LRRC4C: variants seen among roughly 807,000 people sequenced by gnomAD.
LRRC4C encodes leucine-rich repeat-containing protein 4C.
LRRC4C carries 5 observed loss-of-function variants against 33.6 expected under a neutral mutation model. That is an observed-to-expected ratio of 0.15 (90% CI 0.08 to 0.31). The LOEUF is 0.31. Among genes scored for constraint, LRRC4C ranks in the 10% least tolerant of loss-of-function variants. The pLI is 1.00. For missense variants in LRRC4C, 560 were observed against 796.7 expected (o/e 0.70, Z 3.58); for synonymous variants, 329 against 302.0 (o/e 1.09, Z -0.93).
chr11:40,609,146 T>C (rs1960938864), intron 3 of LRRC4C, among the ~76,000 whole-genome samples: 1 of 152,116 alleles, frequency 6.6e-6, no homozygotes, highest in African/African-American at 2.4e-5. Context: ...TAGAATATTC[T>C]TCAGGATACG....
intron 5 of LRRC4C, among the ~76,000 whole-genome samples, chr11:40,234,149 G>C (rs1206731985): frequency 6.6e-6 from 1 of 152,176 alleles, no homozygotes; most frequent in Non-Finnish European, 1.5e-5. Flanking sequence ...CAGTATTTAA[G>C]GGTCCCCAAA....
intron 1 of LRRC4C, among the ~76,000 whole-genome samples, chr11:41,160,002 C>T (rs949096609): frequency 1.3e-5 from 2 of 151,814 alleles, no homozygotes; most frequent in Non-Finnish European, 2.9e-5. Context: ...ACCAAATATG[C>T]TTTATAACAA....
At chr11:40,996,972 A>G (rs1854023758) in intron 1 of LRRC4C, among the ~76,000 whole-genome samples, 4 of 152,128 alleles carry the variant, frequency 2.6e-5, no homozygotes, top group Admixed American at 2.6e-4. Flanking sequence ...GAGGGGATGA[A>G]TATCCAAACT....
intron 4 of LRRC4C, among the ~76,000 whole-genome samples, chr11:40,254,040 G>C (rs1867003801): frequency 6.6e-6 from 1 of 152,076 alleles, no homozygotes; most frequent in Non-Finnish European, 1.5e-5. Flanking sequence ...AAAGTAGATA[G>C]TGAAAACAAT....
chr11:40,784,919 T>A (rs1286980906), intron 2 of LRRC4C, among the ~76,000 whole-genome samples: 1 of 151,834 alleles, frequency 6.6e-6, no homozygotes, highest in Admixed American at 6.6e-5. Context: ...AAAGTATTAA[T>A]AGAAAGGGAG....
In LRRC4C at chr11:40,116,001, G is replaced by A; in HGVS notation, c.292C>T (p.His98Tyr). Residue 98 changes from histidine to tyrosine, a missense_variant, in exon 7 of 7, where the codon CAC becomes TAC. His to Tyr is a moderately conservative substitution (Grantham distance 83). Transcript: ENST00000528697. ...TGTAGGATTTCCAAGTGTCTCAAGTGCTTGAAGCTGTTCACTTTGATGATC... is the reference window on the plus strand; with the variant it reads ...TGTAGGATTTCCAAGTGTCTCAAGTACTTGAAGCTGTTCACTTTGATGATC... ...IQIIKVNSFK[H>Y]LRHLEILQLS... is the part of the protein sequence containing the mutation. The A allele has an allele frequency of 6.2e-7, 1 of 1,614,090 alleles. No homozygotes were observed. The highest frequency in any genetic ancestry group is 8.5e-7 in the Non-Finnish European group (1 of 1,180,016).
intron 2 of LRRC4C, among the ~76,000 whole-genome samples, chr11:40,751,372 G>C (rs1157982508): frequency 1.3e-5 from 2 of 151,984 alleles, no homozygotes; most frequent in African/African-American, 4.8e-5. Context: ...AAAACCAAAA[G>C]ACTCCACCAA....
rs186390415 is a variant in LRRC4C at position 41,138,813 on chromosome 11, C to A, written c.-495-205090G>T. On this transcript the variant is annotated intron_variant, in intron 1 of 6. Coordinates refer to ENST00000528697, the MANE Select transcript of LRRC4C (RefSeq NM_001258419.2). The stretch of plus-strand genomic sequence containing the variant: ...TTTAATCTATAAAATAATTACTACA[C>A]AAAAAGAATATTATCATTATAAGAA... 2.4e-3 allele frequency among the ~76,000 whole-genome samples: 363 copies of A among 152,236 alleles called. 2 individuals are homozygous for A. Among genetic ancestry groups the A allele is most frequent in the Non-Finnish European group, 4.0e-3 (271 of 68,006 alleles).
chr11:40,326,435 G>A (rs1946107505), intron 3 of LRRC4C, among the ~76,000 whole-genome samples: 1 of 151,972 alleles, frequency 6.6e-6, no homozygotes. Context: ...GGTGGCAGGT[G>A]CCTGTAATCC....
intron 5 of LRRC4C, among the ~76,000 whole-genome samples, chr11:40,179,926 CAT>C (rs1391970519): frequency 1.3e-5 from 2 of 152,152 alleles, no homozygotes; most frequent in Non-Finnish European, 2.9e-5. Flanking sequence ...TGTGTCCAAA[CAT>C]ATGTGATAGA....
intron 3 of LRRC4C, among the ~76,000 whole-genome samples, chr11:40,359,753 G>T (rs902217750): frequency 1.3e-5 from 2 of 152,158 alleles, no homozygotes; most frequent in Non-Finnish European, 2.9e-5. Context: ...AACCCAATCT[G>T]AATAGCCTCA....
At chr11:41,278,020 C>T (rs565928667) in intron 1 of LRRC4C, among the ~76,000 whole-genome samples, 12 of 152,020 alleles carry the variant, frequency 7.9e-5, no homozygotes, top group Middle Eastern at 3.4e-3. Context: ...TGGTGGTTAC[C>T]AGAAGCTGGG....
At chr11:40,372,408 G>T (rs1948488863) in intron 3 of LRRC4C, among the ~76,000 whole-genome samples, 1 of 152,178 alleles carries the variant, frequency 6.6e-6, no homozygotes, top group African/African-American at 2.4e-5. Context: ...TCTCTAGATT[G>T]TTACACTTCT....
At chr11:40,249,759 CT>C (rs1157133454) in intron 4 of LRRC4C, among the ~76,000 whole-genome samples, 2 of 151,556 alleles carry the variant, frequency 1.3e-5, no homozygotes, top group Admixed American at 1.3e-4. Context: ...GACTCTCTCG[CT>C]TTTTTTTCCT....
intron 2 of LRRC4C, among the ~76,000 whole-genome samples, chr11:40,738,227 G>T (rs1434661592): frequency 6.6e-6 from 1 of 152,146 alleles, no homozygotes; most frequent in South Asian, 2.1e-4. Flanking sequence ...AACTCAAGAT[G>T]TATTAAGGAC....
At chr11:40,678,860 T>C (rs1016946520) in intron 2 of LRRC4C, among the ~76,000 whole-genome samples, 4 of 152,056 alleles carry the variant, frequency 2.6e-5, no homozygotes, top group Non-Finnish European at 2.9e-5. Context: ...TAATTGGTAC[T>C]GGGTAGGGGG....
chr11:40,512,297 C>G (rs1023724679), intron 3 of LRRC4C, among the ~76,000 whole-genome samples: 12 of 152,122 alleles, frequency 7.9e-5, no homozygotes, highest in Non-Finnish European at 1.5e-4. Context: ...TTGCTTCAAC[C>G]CTGGAGGCAG....
chr11:40,406,274 A>G (rs1387596926), intron 3 of LRRC4C, among the ~76,000 whole-genome samples: 1 of 152,146 alleles, frequency 6.6e-6, no homozygotes, highest in Admixed American at 6.6e-5. Flanking sequence ...AAGTTTAATT[A>G]ATATTTCTTC....
intron 2 of LRRC4C, among the ~76,000 whole-genome samples, chr11:40,671,518 T>G (rs1475382171): frequency 6.6e-6 from 1 of 152,106 alleles, no homozygotes; most frequent in African/African-American, 2.4e-5. Context: ...TGCAGCATCA[T>G]TGGCCATCTT....
Sources: gnomAD v4.1 joint callset for allele counts (sites outside exome capture counted in the v4.1 genomes callset) on GRCh38, gnomAD v4.1.1 for gene constraint, MANE v1.5 for transcripts, NCBI Gene and HGNC (gene_info 2026-07-23, HGNC 2026-07-21) for gene names.